The following FSTL4 variants were observed in gnomAD, a reference collection of about 807,000 sequenced individuals.
FSTL4 encodes follistatin-related protein 4.
Under a neutral mutation model 78.2 loss-of-function variants are expected in FSTL4, and 28 were observed. That is an observed-to-expected ratio of 0.36 (90% CI 0.27 to 0.49). The LOEUF (loss-of-function observed/expected upper bound fraction) is 0.49. FSTL4 is among the 20% of genes least tolerant of loss of function. The pLI is 0.98. For missense variants in FSTL4, 922 were observed against 1,084.9 expected (o/e 0.85, Z 2.11); for synonymous variants, 422 against 440.5 (o/e 0.96, Z 0.53).
intron 3 of FSTL4, among the ~76,000 whole-genome samples, chr5:133,467,071 C>G (rs1172661794): frequency 6.7e-6 from 1 of 150,370 alleles, no homozygotes; most frequent in Non-Finnish European, 1.5e-5. Context: ...TGTATGTGTG[C>G]ATGTGTATGT....
chr5:133,607,317 A>G (rs759294536), intron 1 of FSTL4, among the ~76,000 whole-genome samples: 1 of 152,326 alleles, frequency 6.6e-6, no homozygotes, highest in South Asian at 2.1e-4. Flanking sequence ...TTGGGTCTAA[A>G]TCAATTTTGA....
chr5:133,279,377 T>C (rs1031790750), intron 6 of FSTL4, among the ~76,000 whole-genome samples: 2 of 152,244 alleles, frequency 1.3e-5, no homozygotes, highest in East Asian at 1.9e-4. Flanking sequence ...TGAACAGTTT[T>C]GTCCGAAACC....
At chr5:133,506,448 T>G (rs1758614225) in intron 3 of FSTL4, among the ~76,000 whole-genome samples, 1 of 151,448 alleles carries the variant, frequency 6.6e-6, no homozygotes, top group Admixed American at 6.6e-5. Flanking sequence ...TCGAGAGGAA[T>G]GAGAAAGGGG....
At chr5:133,689,790 G>A in the FSTL4 span, among the ~76,000 whole-genome samples, 1 of 152,144 alleles carries the variant, frequency 6.6e-6, no homozygotes, top group Non-Finnish European at 1.5e-5. Flanking sequence ...GGCCAGGCAC[G>A]GTGGCTCACG....
intron 3 of FSTL4, among the ~76,000 whole-genome samples, chr5:133,454,314 A>C (rs1456073377): frequency 6.6e-6 from 1 of 152,272 alleles, no homozygotes; most frequent in Admixed American, 6.5e-5. Flanking sequence ...AGTACAAAGC[A>C]AAAATACCTA....
intron 4 of FSTL4, among the ~76,000 whole-genome samples, chr5:133,372,257 G>GTATGTATGTATA (rs1755326142): frequency 6.9e-6 from 1 of 145,664 alleles, no homozygotes; most frequent in African/African-American, 2.6e-5. Flanking sequence ...ATGTATGTAT[G>GTATGTATGTATA]TATGTATGTA....
At chr5:133,675,610 G>T in the FSTL4 span, among the ~76,000 whole-genome samples, 2 of 149,374 alleles carry the variant, frequency 1.3e-5, no homozygotes, top group Admixed American at 7.7e-5. Flanking sequence ...CTGGCAGCAG[G>T]CAGGACAGTG....
chr5:133,620,646 G>A, the FSTL4 span, among the ~76,000 whole-genome samples: 1 of 152,160 alleles, frequency 6.6e-6, no homozygotes, highest in Non-Finnish European at 1.5e-5. Context: ...ACAGTCTCAA[G>A]CATCCCAGCA....
chr5:133,706,022 G>C, the FSTL4 span, among the ~76,000 whole-genome samples: 1 of 152,186 alleles, frequency 6.6e-6, no homozygotes, highest in South Asian at 2.1e-4. Flanking sequence ...TGGGCTGAGT[G>C]CATCCCTGCA....
At chr5:133,791,482 C>T in the FSTL4 span, among the ~76,000 whole-genome samples, 23 of 152,192 alleles carry the variant, frequency 1.5e-4, no homozygotes. Flanking sequence ...TATCCAGCCC[C>T]TAACACAGTG....
chr5:133,698,225 C>CG, the FSTL4 span, among the ~76,000 whole-genome samples: 3 of 152,014 alleles, frequency 2.0e-5, no homozygotes, highest in African/African-American at 7.3e-5. Context: ...AAGCAGCACC[C>CG]CCAGAGACAG....
chr5:133,353,131 G>T (rs1280481282), intron 4 of FSTL4, among the ~76,000 whole-genome samples: 1 of 152,084 alleles, frequency 6.6e-6, no homozygotes, highest in Non-Finnish European at 1.5e-5. Flanking sequence ...CCAGTATAAA[G>T]ATGAGAATTT....
At chr5:133,348,651 G>C (rs1187229964) in intron 4 of FSTL4, among the ~76,000 whole-genome samples, 1 of 152,102 alleles carries the variant, frequency 6.6e-6, no homozygotes, top group Non-Finnish European at 1.5e-5. Flanking sequence ...TCAGCTGTGT[G>C]TCCTCCACTT....
At chr5:133,727,026 G>T in the FSTL4 span, among the ~76,000 whole-genome samples, 2 of 152,084 alleles carry the variant, frequency 1.3e-5, no homozygotes, top group Non-Finnish European at 2.9e-5. Context: ...TTGGAAAACC[G>T]GGTGGCAGGT....
In FSTL4 at chr5:133,338,362, T is replaced by C. The variant is rs1297750569; in HGVS notation, c.410-21710A>G. Among the ~76,000 whole-genome samples, 1 of 152,156 alleles carries C rather than the reference T, an allele frequency of 6.6e-6. No individual in the cohort carries two copies. The highest frequency in any genetic ancestry group is 2.4e-5 in the African/African-American group (1 of 41,430). Reference sequence around the variant, plus strand: ...GCCATGGAACTGGCCTCCACCATGCTCCATCTTCCCACCCTGGTGTTCTCA... The same window carrying C: ...GCCATGGAACTGGCCTCCACCATGCCCCATCTTCCCACCCTGGTGTTCTCA... On this transcript the variant is annotated intron_variant, in intron 4 of 15. Transcript: ENST00000265342. This position sits in a 1 kb window ranked among gnomAD's most constrained non-coding sequence, Gnocchi z 4.0.
At chr5:133,481,004 G>A (rs1330169994) in intron 3 of FSTL4, among the ~76,000 whole-genome samples, 4 of 151,770 alleles carry the variant, frequency 2.6e-5, no homozygotes, top group African/African-American at 4.8e-5. Context: ...GCAGCGGTCC[G>A]AGTAACCCGC....
chr5:133,397,043 C>T (rs957456292), intron 4 of FSTL4, among the ~76,000 whole-genome samples: 1 of 152,188 alleles, frequency 6.6e-6, no homozygotes, highest in African/African-American at 2.4e-5. Flanking sequence ...AACTGCCCAA[C>T]TATGACATTG....
intron 3 of FSTL4, among the ~76,000 whole-genome samples, chr5:133,562,027 TAGA>T (rs1233784682): frequency 5.3e-5 from 8 of 152,160 alleles, no homozygotes; most frequent in Non-Finnish European, 1.2e-4. Context: ...CCAGTGACTG[TAGA>T]AGAACACTCA....
the FSTL4 span, among the ~76,000 whole-genome samples, chr5:133,768,401 T>C: frequency 1.3e-5 from 2 of 152,202 alleles, no homozygotes; most frequent in Non-Finnish European, 2.9e-5. Context: ...ATCACTTTCA[T>C]TGATTCTCAA....
Sources: gnomAD v4.1 joint callset for allele counts (sites outside exome capture counted in the v4.1 genomes callset) on GRCh38, gnomAD v4.1.1 for gene constraint, Gnocchi (gnomAD v3.1) non-coding constraint, MANE v1.5 for transcripts, NCBI Gene and HGNC (gene_info 2026-07-23, HGNC 2026-07-21) for gene names.